Variants in LRCH1 observed in about 807,000 individuals in gnomAD.
LRCH1 encodes the protein leucine rich repeats and calponin homology domain containing 1, also known as leucine-rich repeat and calponin homology domain-containing protein 1.
In LRCH1, 23 loss-of-function variants were observed where a neutral mutation model predicts 94.9. The observed-to-expected ratio is 0.24, with a 90% CI of 0.17 to 0.34. LRCH1 has a LOEUF of 0.34. Ranked by LOEUF, LRCH1 falls within the 10% of genes least tolerant of loss-of-function variation. The probability of loss-of-function intolerance (pLI) is 1.00; values close to 1 mark genes in which losing one functional copy is unlikely to be tolerated. For synonymous variants in LRCH1, 364 were observed against 354.9 expected (o/e 1.03, Z -0.29); for missense variants, 790 against 945.9 (o/e 0.84, Z 2.16).
chr13:46,582,689 C>T (rs1351420133), intron 1 of LRCH1, among the ~76,000 whole-genome samples: 2 of 37,038 alleles, frequency 5.4e-5, no homozygotes, highest in African/African-American at 8.7e-5. Context: ...TTAGTAGAGA[C>T]GGGGTCTCAA....
At chr13:46,695,110 C>A in intron 9 of LRCH1, 93 bp downstream of exon 9, 3 of 1,464,406 alleles carry the variant, frequency 2.0e-6, no homozygotes, top group South Asian at 1.3e-5. Flanking sequence ...CCATCCCCTT[C>A]AATGTCCAGC....
In LRCH1 at chr13:46,728,852, T is replaced by A; in HGVS notation, c.1875T>A (p.Ile625=). Residue 625 remains isoleucine, a synonymous_variant, in exon 18 of 20, where the codon ATT becomes ATA. Coordinates refer to ENST00000389797, the MANE Select transcript of LRCH1 (RefSeq NM_001164211.2). ...KELVEQLRES[I]EMRLKVSLHE... is the part of the protein sequence containing the mutation. ...CCTTCTGATTTCCCCAACAGAGCAT[T>A]GAGATGAGATTGAAGGTCAGTCTAC... The A allele has an allele frequency of 6.2e-7, 1 of 1,605,422 alleles. No homozygotes were observed. Among genetic ancestry groups the A allele is most frequent in the Non-Finnish European group, 8.5e-7 (1 of 1,174,714 alleles).
intron 1 of LRCH1, among the ~76,000 whole-genome samples, chr13:46,577,166 G>A (rs1337254849): frequency 6.6e-6 from 1 of 152,026 alleles, no homozygotes; most frequent in Non-Finnish European, 1.5e-5. Context: ...GTGCCATCTC[G>A]GCTCACTGCA....
At chr13:46,591,353 C>T (rs2050497584) in intron 1 of LRCH1, among the ~76,000 whole-genome samples, 2 of 152,152 alleles carry the variant, frequency 1.3e-5, no homozygotes, top group Non-Finnish European at 2.9e-5. Flanking sequence ...GATAAACCCT[C>T]ATTAATATCT....
chr13:46,699,892 C>G (rs1350220094), intron 10 of LRCH1, among the ~76,000 whole-genome samples: 4 of 152,224 alleles, frequency 2.6e-5, no homozygotes, highest in African/African-American at 2.4e-5. Flanking sequence ...GGCCATAACT[C>G]ATTTCATCTT....
chr13:46,748,781 T>C (rs1303193502), downstream of LRCH1, among the ~76,000 whole-genome samples: 1 of 152,180 alleles, frequency 6.6e-6, no homozygotes, highest in Non-Finnish European at 1.5e-5. Flanking sequence ...CATGAAACCA[T>C]GGTTAAAATT....
intron 1 of LRCH1, among the ~76,000 whole-genome samples, chr13:46,602,469 C>T (rs2050638248): frequency 6.6e-6 from 1 of 152,034 alleles, no homozygotes. Context: ...TGTCTGTAGT[C>T]TAGAAAAAGC....
intron 5 of LRCH1, 120 bp from the exon 6 acceptor site, chr13:46,687,732 T>C (rs1870694326): frequency 1.4e-6 from 1 of 693,748 alleles, no homozygotes; most frequent in African/African-American, 1.8e-5. Context: ...TTAGTGTACA[T>C]TGGTAGGGTG....
rs1019792184 is a variant in LRCH1, at chr13:46,657,771, T to G, written c.452+7426T>G. On this transcript the variant is annotated intron_variant, in intron 2 of 19. Transcript: ENST00000389797. ...TTCGAGCTCCTGGGCTCAAGTGATC[T>G]GCCCGCCTTGGCCTCCCAAGGTGTT... Among the ~76,000 whole-genome samples, 18 of 141,192 alleles carry G rather than the reference T, an allele frequency of 1.3e-4. No homozygotes were observed. The Admixed American group carries it at 1.3e-3, about 10-fold the overall frequency. The allele number at this position is 141,192 out of a possible 152,430, so 92.6% of individuals were successfully genotyped here. A position where few individuals can be genotyped will look rare whatever the true frequency, so the allele number is the denominator to read the frequency against.
At chr13:46,587,293 G>A (rs1400782707) in intron 1 of LRCH1, among the ~76,000 whole-genome samples, 3 of 152,138 alleles carry the variant, frequency 2.0e-5, no homozygotes, top group East Asian at 1.9e-4. Flanking sequence ...AATGGCATAC[G>A]TTGTATGCCA....
At chr13:46,559,317 G>A (rs1313015002) in intron 1 of LRCH1, among the ~76,000 whole-genome samples, 1 of 152,070 alleles carries the variant, frequency 6.6e-6, no homozygotes, top group Non-Finnish European at 1.5e-5. Context: ...CATACCTGTT[G>A]CTTTTTGTGG....
intron 7 of LRCH1, among the ~76,000 whole-genome samples, chr13:46,691,104 C>A (rs1192571352): frequency 6.6e-6 from 1 of 152,232 alleles, no homozygotes; most frequent in Non-Finnish European, 1.5e-5. Context: ...AGGACAGACT[C>A]TGAAAACCAT....
At chr13:46,657,351 T>A (rs2138092523) in intron 2 of LRCH1, among the ~76,000 whole-genome samples, 1 of 149,540 alleles carries the variant, frequency 6.7e-6, no homozygotes, top group Non-Finnish European at 1.5e-5. Context: ...CACTGCACTT[T>A]ACCAAGTCCT....
intron 18 of LRCH1, among the ~76,000 whole-genome samples, chr13:46,732,961 ACT>A (rs1405270851): frequency 1.3e-5 from 2 of 152,060 alleles, no homozygotes; most frequent in African/African-American, 4.8e-5. Context: ...AGGGCAACAG[ACT>A]CTGTTTTTGG....
At chr13:46,586,337 C>T (rs2050435052) in intron 1 of LRCH1, among the ~76,000 whole-genome samples, 1 of 152,166 alleles carries the variant, frequency 6.6e-6, no homozygotes, top group African/African-American at 2.4e-5. Context: ...TCAGAGGTTG[C>T]CTGTCACATG....
chr13:46,606,148 ATGTGTGTGTG>A (rs3991577), intron 1 of LRCH1, among the ~76,000 whole-genome samples: 1 of 148,612 alleles, frequency 6.7e-6, no homozygotes, highest in Non-Finnish European at 1.5e-5. Flanking sequence ...TTTTAACCTT[ATGTGTGTGTG>A]TGTGTGTGTG....
At chr13:46,655,603 G>T (rs1438390323) in intron 2 of LRCH1, among the ~76,000 whole-genome samples, 2 of 152,182 alleles carry the variant, frequency 1.3e-5, no homozygotes, top group Non-Finnish European at 2.9e-5. Flanking sequence ...CTTTGAACCT[G>T]AGTTACACAG....
chr13:46,750,315 A>G (rs1211844747), intron 18 of LRCH1, among the ~76,000 whole-genome samples: 1 of 152,152 alleles, frequency 6.6e-6, no homozygotes, highest in Non-Finnish European at 1.5e-5. Context: ...GGTGATTAGG[A>G]GCCTTTTTGA....
chr13:46,705,061 T>G lies in LRCH1; in HGVS notation c.1401-7T>G. 6.8e-7 allele frequency: 1 copy of G among 1,467,198 alleles called. No homozygotes were observed. The allele number at this position is 1,467,198 out of a possible 1,614,324, so 90.9% of individuals were successfully genotyped here. On this transcript the variant is annotated splice_region_variant and splice_polypyrimidine_tract_variant and intron_variant, in intron 11 of 19. Coordinates refer to ENST00000389797, the MANE Select transcript of LRCH1 (RefSeq NM_001164211.2). The stretch of plus-strand genomic sequence containing the variant: ...GTTTACTAATATCTTTTTTTCCTAC[T>G]CTTTAGATTAAGCACAGATATTACA...
Sources: gnomAD v4.1 joint callset for allele counts (sites outside exome capture counted in the v4.1 genomes callset) on GRCh38, gnomAD v4.1.1 for gene constraint, MANE v1.5 for transcripts, NCBI Gene and HGNC (gene_info 2026-07-23, HGNC 2026-07-21) for gene names.